Variants in FAR1 observed in about 807,000 individuals in gnomAD.
FAR1 encodes the protein male sterility domain-containing protein 2.
Under a neutral mutation model 61.1 loss-of-function variants are expected in FAR1, and 22 were observed. That is an observed-to-expected ratio of 0.36 (90% CI 0.26 to 0.51). The LOEUF is 0.51. Ranked by LOEUF, FAR1 falls within the 20% of genes least tolerant of loss-of-function variation. The pLI is 0.95. For synonymous variants in FAR1, 206 were observed against 209.7 expected, an observed-to-expected ratio of 0.98 and a Z score of 0.15; for missense variants, 359 against 626.9, an observed-to-expected ratio of 0.57 and a Z score of 4.56.
At chr11:13,704,573 G>A (rs1379158898) in intron 3 of FAR1, among the ~76,000 whole-genome samples, 1 of 152,124 alleles carries the variant, frequency 6.6e-6, no homozygotes, top group East Asian at 1.9e-4. Flanking sequence ...TTTAGCAAGA[G>A]CCTTAGGTGT....
In FAR1 at chr11:13,700,332, A is replaced by G. The variant is rs770071264; in HGVS notation, c.205A>G (p.Arg69Gly). 5 of 1,589,258 alleles carry G rather than the reference A, an allele frequency of 3.1e-6. No homozygotes were observed. The highest frequency in any genetic ancestry group is 2.6e-6 in the Non-Finnish European group (3 of 1,172,108). ...CTCTTGATAGCTTTTTGACAGATTG[A>G]GAGATGAAAATCCAGATTTTAGAGA... Reference protein sequence around the residue: ...VLSGKLFDRLRDENPDFREKI... With the variant: ...VLSGKLFDRLGDENPDFREKI... The change falls in exon 3 of 12, where the codon AGA becomes GGA. Residue 69 changes from arginine (R) to glycine (G), a missense_variant. Coordinates refer to ENST00000354817, the MANE Select transcript of FAR1 (RefSeq NM_032228.6).
intron 2 of FAR1, among the ~76,000 whole-genome samples, chr11:13,698,804 C>G (rs573365688): frequency 1.3e-5 from 2 of 151,140 alleles, no homozygotes; most frequent in Non-Finnish European, 2.9e-5. Context: ...GCACTCCAGC[C>G]TGGGCAACAG....
Position 13,731,700 on chromosome 11 carries a change from G to T in FAR1, c.*2926G>T, listed in dbSNP as rs1355396360. ...GCAGGATGACACTTTGTGTTAAAGT[G>T]TTATTTTTATGTATTACCTGGAATG... is the stretch of plus-strand genomic sequence containing the variant. On this transcript the variant is annotated 3_prime_UTR_variant, in exon 12 of 12. Coordinates refer to ENST00000354817, the MANE Select transcript of FAR1 (RefSeq NM_032228.6). 1 of 152,024 alleles carries T rather than the reference G, an allele frequency of 6.6e-6. No homozygotes were observed. The highest frequency in any genetic ancestry group is 1.5e-5 in the Non-Finnish European group (1 of 68,008). The allele number at this position is 152,024 out of a possible 1,614,324, so 9.4% of individuals were successfully genotyped here.
intron 10 of FAR1, 23 bp from the exon 11 acceptor site, chr11:13,727,533 C>G (rs772002100): frequency 1.3e-6 from 2 of 1,557,476 alleles, no homozygotes; most frequent in Admixed American, 4.0e-5. Flanking sequence ...AGAAAATAAT[C>G]AGTAATTTTT....
chr11:13,709,388 C>T (rs7926048), intron 4 of FAR1, among the ~76,000 whole-genome samples: 84,114 of 151,990 alleles, frequency 0.55, 23,541 homozygotes, highest in Non-Finnish European at 0.58. Flanking sequence ...TTAATATCTG[C>T]GGGAAAAGTT....
intron 1 of FAR1, among the ~76,000 whole-genome samples, chr11:13,681,850 A>G (rs1044256665): frequency 1.3e-5 from 2 of 152,182 alleles, no homozygotes; most frequent in Non-Finnish European, 2.9e-5. Flanking sequence ...AGAATACTCC[A>G]TTCCATACTA....
chr11:13,686,598 A>G (rs894651090), intron 1 of FAR1: 1 of 152,168 alleles, frequency 6.6e-6, no homozygotes, highest in Non-Finnish European at 1.5e-5. Flanking sequence ...AAGTAGAGCA[A>G]AGAGTTCAGT....
intron 4 of FAR1, among the ~76,000 whole-genome samples, chr11:13,708,372 CA>C (rs757008259): frequency 1.4e-4 from 20 of 142,940 alleles, no homozygotes; most frequent in Admixed American, 4.2e-4. Flanking sequence ...AAACAAAAAA[CA>C]AAAAAAAAAC....
intron 1 of FAR1, among the ~76,000 whole-genome samples, chr11:13,693,422 T>A (rs1204908503): frequency 6.6e-6 from 1 of 152,218 alleles, no homozygotes; most frequent in Non-Finnish European, 1.5e-5. Context: ...TTTGTGGATG[T>A]TTGGAGCAAC....
chr11:13,705,899 A>T (rs1003215506), intron 3 of FAR1, among the ~76,000 whole-genome samples: 6 of 152,132 alleles, frequency 3.9e-5, no homozygotes, highest in Non-Finnish European at 8.8e-5. Context: ...TCCTCTCCCA[A>T]ACAGTACCCT....
chr11:13,729,588 G>A lies in FAR1; in HGVS notation c.*814G>A, dbSNP rs1484402211. The A allele has an allele frequency of 6.6e-6, 1 of 151,922 alleles. No individual in the cohort carries two copies. The highest frequency in any genetic ancestry group is 2.4e-5 in the African/African-American group (1 of 41,432). The allele number at this position is 151,922 out of a possible 1,614,324, so 9.4% of individuals were successfully genotyped here. ...ATAAAAATCTTGTGAGATTGTTTAT[G>A]TTTTGAAGCAGGAGGATTTCTTGAG... On this transcript the variant is annotated 3_prime_UTR_variant, in exon 12 of 12. Transcript: ENST00000354817.
At chr11:13,683,371 T>C (rs1206358156) in intron 1 of FAR1, among the ~76,000 whole-genome samples, 1 of 151,412 alleles carries the variant, frequency 6.6e-6, no homozygotes, top group East Asian at 1.9e-4. Flanking sequence ...CCAGCCTGGC[T>C]GACAGAACAA....
Position 13,714,508 on chromosome 11 carries a change from G to C in FAR1, c.956-1G>C. On this transcript the variant is annotated splice_acceptor_variant, in intron 8 of 11. Transcript: ENST00000354817. LOFTEE classifies it high-confidence loss of function. Reference sequence around the variant, plus strand: ...GCTGTTACACAACTTTTCTTCTTCAGAGTACCATGTAATTTCCACTTTCAA... The same window carrying C: ...GCTGTTACACAACTTTTCTTCTTCACAGTACCATGTAATTTCCACTTTCAA... 6.2e-7 allele frequency: 1 copy of C among 1,606,722 alleles called. No individual in the cohort carries two copies. Among genetic ancestry groups the C allele is most frequent in the Non-Finnish European group, 8.5e-7 (1 of 1,177,534 alleles).
intron 3 of FAR1, among the ~76,000 whole-genome samples, chr11:13,706,149 CAAT>C (rs774679972): frequency 1.8e-4 from 28 of 152,032 alleles, no homozygotes; most frequent in Non-Finnish European, 3.2e-4. Context: ...ACTTTTAAAA[CAAT>C]ATAGAAAATT....
intron 3 of FAR1, among the ~76,000 whole-genome samples, chr11:13,702,572 T>G (rs1848388423): frequency 1.3e-5 from 2 of 152,214 alleles, no homozygotes; most frequent in Admixed American, 1.3e-4. Context: ...GTGATTTATC[T>G]TTTCCTAAAA....
intron 8 of FAR1, 156 bp downstream of exon 8, chr11:13,713,189 C>T: frequency 1.5e-6 from 1 of 666,098 alleles, no homozygotes; most frequent in Non-Finnish European, 2.7e-6. Context: ...CCAATACTAC[C>T]TTGTGGTCCT....
At chr11:13,681,720 A>G (rs940739972) in intron 1 of FAR1, among the ~76,000 whole-genome samples, 1 of 152,202 alleles carries the variant, frequency 6.6e-6, no homozygotes, top group Non-Finnish European at 1.5e-5. Context: ...CTCAGCCAGA[A>G]TTGCTTAGCT....
At position 13,730,135 on chromosome 11, in the gene FAR1, G is replaced by A. The variant is rs1267600470; in HGVS notation, c.*1361G>A. On this transcript the variant is annotated 3_prime_UTR_variant, in exon 12 of 12. Coordinates refer to ENST00000354817, the MANE Select transcript of FAR1 (RefSeq NM_032228.6). Reference sequence around the variant, plus strand: ...TAACACTTCTAATTAAGTTTATCAAGTTGTACTGTATTAGATAATCAGCAG... The same window carrying A: ...TAACACTTCTAATTAAGTTTATCAAATTGTACTGTATTAGATAATCAGCAG... 1.3e-5 allele frequency: 2 copies of A among 152,376 alleles called. No individual in the cohort carries two copies. The highest frequency in any genetic ancestry group is 4.8e-5 in the African/African-American group (2 of 41,418). 9.4% of individuals were successfully genotyped at this position (152,376 alleles called of 1,614,324 possible). A position where few individuals can be genotyped will look rare whatever the true frequency, so the allele number is the denominator to read the frequency against.
At chr11:13,684,934 C>A (rs781100426) in intron 1 of FAR1, among the ~76,000 whole-genome samples, 2 of 152,064 alleles carry the variant, frequency 1.3e-5, no homozygotes, top group African/African-American at 4.8e-5. Context: ...TAAGCAAGAC[C>A]GCAAATCTTC....
Sources: gnomAD v4.1 joint callset for allele counts (sites outside exome capture counted in the v4.1 genomes callset) on GRCh38, gnomAD v4.1.1 for gene constraint, MANE v1.5 for transcripts, NCBI Gene and HGNC (gene_info 2026-07-23, HGNC 2026-07-21) for gene names.